The following SEC63 variants were observed in gnomAD, a reference collection of about 807,000 sequenced individuals.
The protein encoded by SEC63 is SEC63 protein translocation regulator, also known as translocation protein SEC63 homolog.
A neutral mutation model predicts 116.2 loss-of-function variants in SEC63; 56 were observed. That is an observed-to-expected ratio of 0.48 (90% CI 0.39 to 0.60). The LOEUF (loss-of-function observed/expected upper bound fraction) is 0.60. Ranked by LOEUF, SEC63 falls within the 20% of genes least tolerant of loss-of-function variation. The probability of loss-of-function intolerance (pLI) is 0.00; values close to 1 mark genes in which losing one functional copy is unlikely to be tolerated. For synonymous variants in SEC63, 273 were observed against 294.6 expected, an observed-to-expected ratio of 0.93 and a Z score of 0.75; for missense variants, 668 against 900.0, an observed-to-expected ratio of 0.74 and a Z score of 3.30.
chr6:107,930,997 CA>C (rs1562334298), intron 1 of SEC63, among the ~76,000 whole-genome samples: 1 of 149,466 alleles, frequency 6.7e-6, no homozygotes, highest in Admixed American at 6.7e-5. Flanking sequence ...AGCAAACAAA[CA>C]AAAAGAACTT....
At chr6:107,931,486 TAA>T (rs56166744) in intron 1 of SEC63, among the ~76,000 whole-genome samples, 594 of 146,294 alleles carry the variant, frequency 4.1e-3, no homozygotes, top group Middle Eastern at 7.1e-3. Context: ...CTCCCAAGTT[TAA>T]AAAAAAAAAA....
At chr6:107,928,694 G>A (rs1787731701) in intron 2 of SEC63, among the ~76,000 whole-genome samples, 1 of 152,104 alleles carries the variant, frequency 6.6e-6, no homozygotes, top group African/African-American at 2.4e-5. Flanking sequence ...ACAAGACATA[G>A]TAGTCCAATA....
At chr6:107,903,268 C>T (rs1275724638) in intron 11 of SEC63, among the ~76,000 whole-genome samples, 1 of 152,138 alleles carries the variant, frequency 6.6e-6, no homozygotes, top group East Asian at 1.9e-4. Context: ...TTATCAGTAT[C>T]ACCAACATAT....
At chr6:107,882,541 C>T (rs1294958356) in intron 17 of SEC63, among the ~76,000 whole-genome samples, 1 of 152,150 alleles carries the variant, frequency 6.6e-6, no homozygotes, top group African/African-American at 2.4e-5. Flanking sequence ...GTTAGCTTTT[C>T]CCTTAACCAA....
At chr6:107,919,438 C>T (rs940275901) in intron 4 of SEC63, among the ~76,000 whole-genome samples, 12 of 152,154 alleles carry the variant, frequency 7.9e-5, no homozygotes, top group African/African-American at 2.9e-4. Context: ...ATGCTGTGAA[C>T]ATTGTTGAAA....
chr6:107,894,455 C>T (rs1786766967), intron 14 of SEC63, among the ~76,000 whole-genome samples: 1 of 151,906 alleles, frequency 6.6e-6, no homozygotes, highest in African/African-American at 2.4e-5. Flanking sequence ...AGGAGGATTG[C>T]TTGACCCCAA....
chr6:107,893,780 A>G, intron 15 of SEC63, 58 bp downstream of exon 15: 1 of 1,606,076 alleles, frequency 6.2e-7, no homozygotes, highest in South Asian at 1.1e-5. Context: ...TCAATTGGAA[A>G]AGTAAATAAA....
At chr6:107,956,038 G>A (rs532078606) in intron 1 of SEC63, 23 of 406,328 alleles carry the variant, frequency 5.7e-5, no homozygotes, top group East Asian at 2.9e-4. Context: ...CCAGCTACTC[G>A]GGGGGCTGAA....
intron 1 of SEC63, among the ~76,000 whole-genome samples, chr6:107,945,670 GTAACAACA>G (rs1311723171): frequency 6.6e-6 from 1 of 152,010 alleles, no homozygotes; most frequent in Non-Finnish European, 1.5e-5. Context: ...GTGAAATAGT[GTAACAACA>G]TTTGTCATCA....
chr6:107,903,063 C>G (rs767293958), intron 11 of SEC63, 65 bp from the exon 12 acceptor site: 1 of 1,555,022 alleles, frequency 6.4e-7, no homozygotes, highest in South Asian at 1.1e-5. Flanking sequence ...GTATACAATT[C>G]ATCACAAAAA....
chr6:107,936,517 T>TTCCTTATGTTAGGAG (rs1416425798), intron 1 of SEC63, among the ~76,000 whole-genome samples: 2 of 144,308 alleles, frequency 1.4e-5, no homozygotes, highest in Non-Finnish European at 3.0e-5. Flanking sequence ...GCACTAAAAA[T>TTCCTTATGTTAGGAG]TATGTTAGGA....
At chr6:107,880,893 A>G (rs1786399828) in intron 18 of SEC63, 1 of 418,328 alleles carries the variant, frequency 2.4e-6, no homozygotes, top group South Asian at 2.6e-5. Context: ...AACACTCAGT[A>G]ATCAGGGCAC....
Position 107,893,614 on chromosome 6 carries a change from T to C in SEC63, c.1542A>G (p.Gln514=), listed in dbSNP as rs774964101. The C allele has an allele frequency of 6.2e-7, 1 of 1,613,646 alleles. No homozygotes were observed. Among genetic ancestry groups the C allele is most frequent in the South Asian group, 1.1e-5 (1 of 90,936 alleles). ...TTTTCTTGGGTCCTTTACTCTTCTG[T>C]TGCCATCCTCCTTTTGTCCTGTTCT... ...TNKNRTKGGW[Q]QKSKGPKKTA... The change falls in exon 16 of 21, where the codon CAA becomes CAG. Residue 514 remains glutamine (Q), a synonymous_variant. Coordinates refer to ENST00000369002, the MANE Select transcript of SEC63 (RefSeq NM_007214.5).
At chr6:107,901,780 A>G (rs1437156882) in intron 12 of SEC63, among the ~76,000 whole-genome samples, 2 of 152,092 alleles carry the variant, frequency 1.3e-5, no homozygotes, top group African/African-American at 2.4e-5. Context: ...GAGGGAAAAA[A>G]TAAGAATCTT....
At chr6:107,951,910 T>G (rs1447152198) in intron 1 of SEC63, among the ~76,000 whole-genome samples, 1 of 151,008 alleles carries the variant, frequency 6.6e-6, no homozygotes, top group Non-Finnish European at 1.5e-5. Context: ...GAGGCAGACC[T>G]TGCAGTGAGC....
intron 4 of SEC63, among the ~76,000 whole-genome samples, chr6:107,918,581 A>C (rs1787469132): frequency 6.6e-6 from 1 of 151,798 alleles, no homozygotes; most frequent in Non-Finnish European, 1.5e-5. Flanking sequence ...AGTCCGAGCT[A>C]CTCGGGAGGC....
intron 1 of SEC63, among the ~76,000 whole-genome samples, chr6:107,948,262 A>C (rs939319812): frequency 1.3e-5 from 2 of 151,302 alleles, no homozygotes. Flanking sequence ...GAGGCAGCAG[A>C]GAGTAGTGGC....
intron 2 of SEC63, among the ~76,000 whole-genome samples, chr6:107,925,430 T>C (rs957998659): frequency 6.6e-6 from 1 of 152,104 alleles, no homozygotes; most frequent in Non-Finnish European, 1.5e-5. Flanking sequence ...AAATAAACTA[T>C]TTACAAAGAA....
intron 8 of SEC63, among the ~76,000 whole-genome samples, chr6:107,908,021 A>G (rs1450382834): frequency 6.6e-6 from 1 of 152,218 alleles, no homozygotes; most frequent in African/African-American, 2.4e-5. Context: ...GAAGAGTAAT[A>G]TTTTCGATAA....
Sources: allele counts gnomAD v4.1 joint callset (sites outside exome capture counted in the v4.1 genomes callset), GRCh38; gene constraint gnomAD v4.1.1; transcripts MANE v1.5; gene names NCBI Gene and HGNC (gene_info 2026-07-23, HGNC 2026-07-21).